Variants in APLP2 observed in about 807,000 individuals in gnomAD.
APLP2 encodes the protein CDEI box-binding protein.
APLP2 carries 53 observed loss-of-function variants against 89.9 expected under a neutral mutation model. That is an observed-to-expected ratio of 0.59 (90% CI 0.47 to 0.74). The LOEUF is 0.74. Among genes scored for constraint, APLP2 ranks in the 30% least tolerant of loss-of-function variants. The pLI is 0.00. For synonymous variants in APLP2, 372 were observed against 348.6 expected, an observed-to-expected ratio of 1.07 and a Z score of -0.75; for missense variants, 973 against 975.9, an observed-to-expected ratio of 1.00 and a Z score of 0.04.
In APLP2 at chr11:130,121,676, C is replaced by T; in HGVS notation, c.579C>T (p.Asp193=). 6.2e-7 allele frequency: 1 copy of T among 1,614,010 alleles called. No individual in the cohort carries two copies. The highest frequency in any genetic ancestry group is 8.5e-7 in the Non-Finnish European group (1 of 1,180,008). The change falls in exon 5 of 17, where the codon GAC becomes GAT. Residue 193 remains aspartate, a synonymous_variant. Transcript: ENST00000338167. The part of the protein sequence containing the change: ...SYGMLLPCGV[D]QFHGTEYVCC... The stretch of plus-strand genomic sequence containing the variant: ...GCATGCTGCTCCCATGTGGGGTAGA[C>T]CAGTTCCATGGCACTGAATATGTGT...
chr11:130,143,195 C>T, intron 16 of APLP2, 152 bp from the exon 17 acceptor site: 1 of 662,462 alleles, frequency 1.5e-6, no homozygotes, highest in East Asian at 2.6e-5. Context: ...CTGTGTTTCA[C>T]CACCGGTTCT....
At chr11:130,070,879 G>A (rs1940898078) in intron 1 of APLP2, 2 of 818,748 alleles carry the variant, frequency 2.4e-6, no homozygotes, top group South Asian at 4.5e-5. Context: ...GTCGCACCCT[G>A]AGCATCCCCG....
chr11:130,141,046 A>G lies in APLP2; in HGVS notation c.1924-452A>G, dbSNP rs915189075. 2.5e-5 allele frequency: 4 copies of G among 157,406 alleles called. No homozygotes were observed. Among genetic ancestry groups the G allele is most frequent in the African/African-American group, 7.2e-5 (3 of 41,380 alleles). 9.8% of individuals were successfully genotyped at this position (157,406 alleles called of 1,614,324 possible). On this transcript the variant is annotated intron_variant, in intron 14 of 16. Coordinates refer to ENST00000338167, the MANE Select transcript of APLP2 (RefSeq NM_001142276.2). The surrounding 1 kb of genome is among the most constrained non-coding windows in gnomAD (Gnocchi z 4.2). The stretch of plus-strand genomic sequence containing the variant: ...CTCAGCCTCCCAAGTAGCTGGGACT[A>G]CAGGCGTCCGCCACCACGCCTGGCT...
At chr11:130,105,053 C>T (rs186019298) in intron 1 of APLP2, among the ~76,000 whole-genome samples, 3 of 152,318 alleles carry the variant, frequency 2.0e-5, no homozygotes, top group Non-Finnish European at 4.4e-5. Flanking sequence ...AAGGATTGTT[C>T]ATGTCTGTGT....
rs373556814 is a variant in APLP2, at chr11:130,123,794, G to A, written c.1090+15G>A. 4 of 1,612,618 alleles carry A rather than the reference G, an allele frequency of 2.5e-6. No homozygotes were observed. Among genetic ancestry groups the A allele is most frequent in the Non-Finnish European group, 2.5e-6 (3 of 1,178,984 alleles). On this transcript the variant is annotated intron_variant, in intron 7 of 16. Transcript: ENST00000338167. The surrounding 1 kb of genome is among the most constrained non-coding windows in gnomAD (Gnocchi z 4.0). ...TAAAGCGATGAGTAAGTCCTGCCTC[G>A]CGCTGGTCCCGTGCGGCAGCACCGT...
At chr11:130,122,607 A>G in intron 6 of APLP2, 94 bp downstream of exon 6, 1 of 1,553,998 alleles carries the variant, frequency 6.4e-7, no homozygotes, top group Non-Finnish European at 8.7e-7. Flanking sequence ...TCAGTCACAG[A>G]AGGAAAGGTG....
chr11:130,116,828 G>GAT (rs770557387), intron 3 of APLP2, among the ~76,000 whole-genome samples: 111 of 151,388 alleles, frequency 7.3e-4, no homozygotes, highest in South Asian at 2.3e-3. Context: ...ACTGTTAAAA[G>GAT]ATATATATAT....
intron 1 of APLP2, among the ~76,000 whole-genome samples, chr11:130,091,103 C>T (rs879658877): frequency 6.9e-6 from 1 of 144,856 alleles, no homozygotes; most frequent in African/African-American, 2.6e-5. Flanking sequence ...GACCCCCCCA[C>T]CTCCCTCCCG....
intron 1 of APLP2, among the ~76,000 whole-genome samples, chr11:130,086,508 GTTTAAC>G (rs1425628740): frequency 1.3e-5 from 2 of 152,060 alleles, no homozygotes; most frequent in Non-Finnish European, 2.9e-5. Flanking sequence ...ATGCACAAAA[GTTTAAC>G]TTTGATGAAT....
rs1212062248 is a variant in APLP2, at chr11:130,109,429, GCTCTTGCAGCCAATGCCGGAA to G, written c.108_128del (p.Leu37_Thr43del). 2.5e-6 allele frequency: 4 copies of G among 1,607,710 alleles called. No individual in the cohort carries two copies. The highest frequency in any genetic ancestry group is 3.4e-6 in the Non-Finnish European group (4 of 1,177,388). On this transcript the variant is annotated inframe_deletion and splice_region_variant, in exon 2 of 17. Transcript: ENST00000338167. ...CCTGCAATTTTTTTCCCTTTGGTAG[GCTCTTGCAGCCAATGCCGGAA>G]CAGGATTTGCTGTTGCTGAGCCTCA...
intron 13 of APLP2, among the ~76,000 whole-genome samples, chr11:130,136,386 T>C (rs1951606636): frequency 6.6e-6 from 1 of 152,224 alleles, no homozygotes. Flanking sequence ...GCTAAGCATC[T>C]CAGCGGATGC....
At chr11:130,070,632 A>T in intron 1 of APLP2, 2 of 1,452,694 alleles carry the variant, frequency 1.4e-6, no homozygotes, top group Admixed American at 2.5e-5. Flanking sequence ...GCCCCGGGGG[A>T]GCTCCCGCGC....
chr11:130,071,466 C>G (rs546909390), intron 1 of APLP2, among the ~76,000 whole-genome samples: 1 of 150,256 alleles, frequency 6.7e-6, no homozygotes, highest in African/African-American at 2.5e-5. Flanking sequence ...ATCTGTGATC[C>G]CTGATATGTC....
At position 130,109,581 on chromosome 11, in the gene APLP2, A is replaced by C; in HGVS notation, c.258A>C (p.Glu86Asp). 1.2e-6 allele frequency: 2 copies of C among 1,613,286 alleles called. No homozygotes were observed. Among genetic ancestry groups the C allele is most frequent in the East Asian group, 2.2e-5 (1 of 44,794 alleles). Residue 86 changes from glutamate (E) to aspartate (D), a missense_variant, in exon 2 of 17, where the codon GAA becomes GAC. Physicochemically the swap from Glu to Asp is conservative, Grantham distance 45. Coordinates refer to ENST00000338167, the MANE Select transcript of APLP2 (RefSeq NM_001142276.2). Reference protein sequence around the residue: ...GTKSCFETKEEVLQYCQEMYP... With the variant: ...GTKSCFETKEDVLQYCQEMYP... ...AGAGCTGCTTTGAAACAAAAGAAGA[A>C]GTTCTTCAGTACTGTCAGGAGGTAA...
At chr11:130,072,558 CT>C (rs1360634366) in intron 1 of APLP2, among the ~76,000 whole-genome samples, 1 of 148,000 alleles carries the variant, frequency 6.8e-6, no homozygotes, top group Non-Finnish European at 1.5e-5. Flanking sequence ...CTCACTGCAA[CT>C]TCCGCCTTCC....
intron 4 of APLP2, among the ~76,000 whole-genome samples, 178 bp from the exon 5 acceptor site, chr11:130,121,436 T>G (rs1949805382): frequency 6.6e-6 from 1 of 152,142 alleles, no homozygotes; most frequent in Non-Finnish European, 1.5e-5. Flanking sequence ...AAATTAAAAT[T>G]TATAAATCTT....
chr11:130,090,604 C>T (rs1944818400), intron 1 of APLP2, among the ~76,000 whole-genome samples: 1 of 151,686 alleles, frequency 6.6e-6, no homozygotes, highest in Admixed American at 6.6e-5. Context: ...CAACAGGATC[C>T]CAAGGCAGAG....
At chr11:130,078,200 C>A (rs1942474305) in intron 1 of APLP2, among the ~76,000 whole-genome samples, 1 of 147,440 alleles carries the variant, frequency 6.8e-6, no homozygotes, top group African/African-American at 2.5e-5. Context: ...TAAGTGGAAT[C>A]ATTCCGTATA....
At chr11:130,112,922 C>T (rs1168422393) in intron 3 of APLP2, among the ~76,000 whole-genome samples, 1 of 152,168 alleles carries the variant, frequency 6.6e-6, no homozygotes, top group African/African-American at 2.4e-5. Flanking sequence ...CAGCTCTCAG[C>T]ATTTGGAATG....
Sources: gnomAD v4.1 joint callset for allele counts (sites outside exome capture counted in the v4.1 genomes callset) on GRCh38, gnomAD v4.1.1 for gene constraint, Gnocchi (gnomAD v3.1) non-coding constraint, MANE v1.5 for transcripts, NCBI Gene and HGNC (gene_info 2026-07-23, HGNC 2026-07-21) for gene names.